Variants in PLSCR4 observed in about 807,000 individuals in gnomAD.
The protein encoded by PLSCR4 is Ca(2+)-dependent phospholipid scramblase 4.
A neutral mutation model predicts 36.3 loss-of-function variants in PLSCR4; 25 were observed. The ratio of observed to expected loss-of-function variants is 0.69; its 90% CI spans 0.50 to 0.96. The LOEUF is 0.96. Among genes scored for constraint, PLSCR4 ranks in the 40% least tolerant of loss-of-function variants. The probability of loss-of-function intolerance (pLI) is 0.00; values close to 1 mark genes in which losing one functional copy is unlikely to be tolerated. For missense variants in PLSCR4, 408 were observed against 414.7 expected (o/e 0.98, Z 0.14); for synonymous variants, 122 against 132.9 (o/e 0.92, Z 0.56).
rs750945555 is a variant in PLSCR4, at chr3:146,196,621, CAT to C, written c.786+9_786+10del. ...AAAAATATCAGAAACACTATTTTTA[CAT>C]AGTTTCACCTCAAAAACAGAATCTG... is the stretch of plus-strand genomic sequence containing the variant. On this transcript the variant is annotated intron_variant, in intron 7 of 8. Coordinates refer to ENST00000354952, the MANE Select transcript of PLSCR4 (RefSeq NM_020353.3). 3.1e-6 allele frequency: 5 copies of C among 1,612,540 alleles called. No homozygotes were observed. The highest frequency in any genetic ancestry group is 1.3e-5 in the African/African-American group (1 of 74,988).
At chr3:146,239,670 G>A (rs1319542458) in intron 1 of PLSCR4, among the ~76,000 whole-genome samples, 5 of 152,064 alleles carry the variant, frequency 3.3e-5, no homozygotes, top group Admixed American at 3.3e-4. Context: ...AATCACCTGA[G>A]GTTGGGAGTT....
chr3:146,211,491 T>A (rs1255958518), intron 3 of PLSCR4, among the ~76,000 whole-genome samples: 7 of 152,132 alleles, frequency 4.6e-5, no homozygotes, highest in Non-Finnish European at 8.8e-5. Flanking sequence ...TCTCTCATTG[T>A]GTAGGTTGTC....
At chr3:146,214,042 A>C (rs2034768129) in intron 3 of PLSCR4, among the ~76,000 whole-genome samples, 1 of 148,596 alleles carries the variant, frequency 6.7e-6, no homozygotes, top group South Asian at 2.2e-4. Context: ...TTTATGCTCT[A>C]ATCTTTATTA....
chr3:146,235,686 G>A (rs1480605937), intron 1 of PLSCR4, among the ~76,000 whole-genome samples: 1 of 152,114 alleles, frequency 6.6e-6, no homozygotes, highest in Non-Finnish European at 1.5e-5. Flanking sequence ...CAGAAGAAAA[G>A]AAGAAGATGA....
chr3:146,229,194 T>C (rs928616862), intron 1 of PLSCR4, among the ~76,000 whole-genome samples: 2 of 152,236 alleles, frequency 1.3e-5, no homozygotes, highest in African/African-American at 2.4e-5. Context: ...GCAGTGTTTC[T>C]GTTTTCCTTG....
At chr3:146,225,778 C>T (rs1362163017) in intron 1 of PLSCR4, among the ~76,000 whole-genome samples, 2 of 152,178 alleles carry the variant, frequency 1.3e-5, no homozygotes, top group African/African-American at 2.4e-5. Flanking sequence ...GGCCCGCAAG[C>T]GCCGCACGCG....
intron 3 of PLSCR4, among the ~76,000 whole-genome samples, chr3:146,216,832 T>C (rs2034920175): frequency 6.6e-6 from 1 of 152,172 alleles, no homozygotes; most frequent in Non-Finnish European, 1.5e-5. Flanking sequence ...TTCTACCCTT[T>C]CACCTCCATG....
chr3:146,214,555 G>A (rs928067143), intron 3 of PLSCR4, among the ~76,000 whole-genome samples: 21 of 151,864 alleles, frequency 1.4e-4, no homozygotes, highest in Non-Finnish European at 2.7e-4. Context: ...CCCTGTGTGT[G>A]ATGTTTTTTT....
chr3:146,246,793 T>C (rs534095206), intron 1 of PLSCR4, among the ~76,000 whole-genome samples: 1 of 152,268 alleles, frequency 6.6e-6, no homozygotes, highest in East Asian at 1.9e-4. Flanking sequence ...ACTTTACATT[T>C]ATGAAAACAG....
intron 3 of PLSCR4, among the ~76,000 whole-genome samples, chr3:146,207,143 C>G (rs550029243): frequency 5.3e-5 from 8 of 152,078 alleles, no homozygotes; most frequent in Non-Finnish European, 1.0e-4. Context: ...CGTATAATTA[C>G]TAACATATAA....
intron 7 of PLSCR4, chr3:146,196,409 A>G (rs924147399): frequency 1.4e-5 from 7 of 482,860 alleles, no homozygotes; most frequent in Non-Finnish European, 2.6e-5. Context: ...ATTTCTTTTT[A>G]TTTTTATCAA....
chr3:146,227,473 A>T (rs2035525320), intron 1 of PLSCR4, among the ~76,000 whole-genome samples: 1 of 152,210 alleles, frequency 6.6e-6, no homozygotes, highest in Admixed American at 6.5e-5. Flanking sequence ...CGCAGCACCC[A>T]ACAAGCGCAG....
At chr3:146,236,419 T>A (rs868573519) in intron 1 of PLSCR4, among the ~76,000 whole-genome samples, 1 of 152,228 alleles carries the variant, frequency 6.6e-6, no homozygotes, top group African/African-American at 2.4e-5. Context: ...CATATTTTTT[T>A]AAATGACTCT....
At chr3:146,204,630 A>T (rs992058099) in intron 4 of PLSCR4, among the ~76,000 whole-genome samples, 4 of 151,976 alleles carry the variant, frequency 2.6e-5, no homozygotes, top group Admixed American at 2.6e-4. Flanking sequence ...TATTCCTAAA[A>T]GGGAAAACTC....
chr3:146,195,029 G>T (rs926621763), intron 8 of PLSCR4, 95 bp downstream of exon 8: 10 of 1,038,584 alleles, frequency 9.6e-6, no homozygotes, highest in Non-Finnish European at 1.3e-5. Context: ...AGATAAGTTG[G>T]ATTGGTTTCA....
At chr3:146,250,192 G>A (rs554469086) in intron 1 of PLSCR4, among the ~76,000 whole-genome samples, 36 of 152,184 alleles carry the variant, frequency 2.4e-4, no homozygotes, top group Non-Finnish European at 4.9e-4. Flanking sequence ...AGCTATCCAT[G>A]AGAGCAGATA....
chr3:146,232,334 T>C (rs1372612614), intron 1 of PLSCR4, among the ~76,000 whole-genome samples: 2 of 152,162 alleles, frequency 1.3e-5, no homozygotes, highest in African/African-American at 4.8e-5. Flanking sequence ...ACTCCTTTTG[T>C]TCCATATGAA....
At chr3:146,219,418 T>C (rs927076015) in intron 3 of PLSCR4, among the ~76,000 whole-genome samples, 3 of 152,214 alleles carry the variant, frequency 2.0e-5, no homozygotes, top group Admixed American at 2.0e-4. Context: ...AAACGATAGA[T>C]AAAGCATGAT....
intron 6 of PLSCR4, among the ~76,000 whole-genome samples, chr3:146,198,036 G>A (rs1023881584): frequency 6.6e-6 from 1 of 152,092 alleles, no homozygotes; most frequent in Non-Finnish European, 1.5e-5. Flanking sequence ...CAGCTTGTAC[G>A]AATCTCCAGT....
Sources: gnomAD v4.1 joint callset for allele counts (sites outside exome capture counted in the v4.1 genomes callset) on GRCh38, gnomAD v4.1.1 for gene constraint, MANE v1.5 for transcripts, NCBI Gene and HGNC (gene_info 2026-07-23, HGNC 2026-07-21) for gene names.